The following SDK1 variants were observed in gnomAD, a reference collection of about 807,000 sequenced individuals.
SDK1 encodes the protein protein sidekick-1.
A neutral mutation model predicts 245.5 loss-of-function variants in SDK1; 157 were observed. The observed-to-expected ratio is 0.64, with a 90% confidence interval of 0.56 to 0.73. The LOEUF is 0.73. Ranked by LOEUF, SDK1 falls within the 30% of genes least tolerant of loss-of-function variation. The pLI, the probability that SDK1 is intolerant of heterozygous loss-of-function variation, is 0.00. For missense variants in SDK1, 3,583 were observed against 3,002.3 expected (o/e 1.19, Z -4.52); for synonymous variants, 1,647 against 1,278.5 (o/e 1.29, Z -6.15).
intron 40 of SDK1, among the ~76,000 whole-genome samples, chr7:4,231,410 A>G (rs1012779307): frequency 6.6e-6 from 1 of 152,040 alleles, no homozygotes; most frequent in African/African-American, 2.4e-5. Flanking sequence ...CAAAAAAAAA[A>G]AAAAATTAAC....
chr7:4,044,257 A>G (rs1388175922), intron 17 of SDK1, among the ~76,000 whole-genome samples: 1 of 152,184 alleles, frequency 6.6e-6, no homozygotes. Flanking sequence ...TGGCCTCGCC[A>G]GCCTGCAGCC....
intron 1 of SDK1, among the ~76,000 whole-genome samples, chr7:3,367,404 A>C (rs951224241): frequency 6.6e-6 from 1 of 152,068 alleles, no homozygotes; most frequent in Admixed American, 6.5e-5. Context: ...ACTTTTTTTG[A>C]CTATATTTCA....
intron 1 of SDK1, among the ~76,000 whole-genome samples, chr7:3,351,051 A>C (rs1780647404): frequency 6.6e-6 from 1 of 152,146 alleles, no homozygotes. Flanking sequence ...TCTTAGTTTC[A>C]CTGGGTAAAA....
At chr7:3,858,754 C>G (rs1215776500) in intron 5 of SDK1, among the ~76,000 whole-genome samples, 1 of 150,028 alleles carries the variant, frequency 6.7e-6, no homozygotes, top group African/African-American at 2.5e-5. Context: ...CAAACATCAA[C>G]TAATAAATTT....
intron 33 of SDK1, among the ~76,000 whole-genome samples, chr7:4,175,386 G>C (rs1308922891): frequency 6.6e-6 from 1 of 152,222 alleles, no homozygotes; most frequent in African/African-American, 2.4e-5. Context: ...TCCCTGAGGT[G>C]GTTTGCTCGG....
intron 4 of SDK1, among the ~76,000 whole-genome samples, chr7:3,644,793 C>CAAAAAAAAAAAAAA (rs59276438): frequency 9.2e-6 from 1 of 108,864 alleles, no homozygotes; most frequent in African/African-American, 3.6e-5. Flanking sequence ...AAAAAAAAAA[C>CAAAAAAAAAAAAAA]AAAAAACAAC....
intron 5 of SDK1, among the ~76,000 whole-genome samples, chr7:3,849,257 T>C (rs1241513506): frequency 2.6e-5 from 4 of 152,188 alleles, no homozygotes; most frequent in African/African-American, 9.7e-5. Flanking sequence ...TCCCCGGAGA[T>C]GCACCCACTC....
rs796146170 is a variant in SDK1, at chr7:3,533,991, T to C, written c.299-85089T>C. Among the ~76,000 whole-genome samples the C allele has an allele frequency of 6.4e-4, 98 of 152,340 alleles. 1 individual carries two copies. Among genetic ancestry groups the C allele is most frequent in the African/African-American group, 2.2e-3 (93 of 41,570 alleles). On this transcript the variant is annotated intron_variant, in intron 1 of 44. Transcript: ENST00000404826. Reference sequence around the variant, plus strand: ...TATTGTGAATATAGGCACAATGCTGTATAGCAGATCTCTGGAACTTGCTCA... The same window carrying C: ...TATTGTGAATATAGGCACAATGCTGCATAGCAGATCTCTGGAACTTGCTCA...
intron 1 of SDK1, among the ~76,000 whole-genome samples, chr7:3,527,998 G>C (rs758094002): frequency 4.6e-5 from 7 of 150,568 alleles, no homozygotes; most frequent in African/African-American, 1.2e-4. Flanking sequence ...GTGTCAGTTA[G>C]CTAGGGGTTG....
intron 1 of SDK1, among the ~76,000 whole-genome samples, chr7:3,606,135 C>T (rs1259403415): frequency 6.6e-6 from 1 of 152,196 alleles, no homozygotes; most frequent in Non-Finnish European, 1.5e-5. Flanking sequence ...TCTGAGCCAG[C>T]TCCTTCCATC....
chr7:3,772,949 T>C (rs1480749090), intron 4 of SDK1, among the ~76,000 whole-genome samples: 1 of 152,150 alleles, frequency 6.6e-6, no homozygotes, highest in Non-Finnish European at 1.5e-5. Flanking sequence ...ATCACTGCAG[T>C]TTCACTGATT....
intron 3 of SDK1, among the ~76,000 whole-genome samples, chr7:3,639,396 C>T (rs990999895): frequency 1.3e-5 from 2 of 152,174 alleles, no homozygotes; most frequent in African/African-American, 4.8e-5. Flanking sequence ...TTTTAGGAAT[C>T]AGCTGCTCTT....
intron 1 of SDK1, among the ~76,000 whole-genome samples, chr7:3,587,294 A>G (rs1021267437): frequency 1.6e-5 from 2 of 125,926 alleles, no homozygotes; most frequent in Non-Finnish European, 3.2e-5. Flanking sequence ...CTCCAGAGAA[A>G]CAGAACGTGT....
chr7:3,529,938 T>G (rs943138553), intron 1 of SDK1, among the ~76,000 whole-genome samples: 1 of 152,156 alleles, frequency 6.6e-6, no homozygotes, highest in Non-Finnish European at 1.5e-5. Flanking sequence ...TTAGGGGACG[T>G]GGCAGAGAGG....
chr7:3,987,818 C>G (rs1032080384), intron 14 of SDK1, among the ~76,000 whole-genome samples: 1 of 152,144 alleles, frequency 6.6e-6, no homozygotes, highest in Non-Finnish European at 1.5e-5. Context: ...ATGCTCCTTC[C>G]GTGGGCCACT....
chr7:3,446,326 A>G (rs537229278), intron 1 of SDK1, among the ~76,000 whole-genome samples: 3 of 152,294 alleles, frequency 2.0e-5, no homozygotes, highest in African/African-American at 4.8e-5. Flanking sequence ...AGGTCACACA[A>G]TTTAGAAATG....
At chr7:4,036,422 A>T (rs1396049043) in intron 17 of SDK1, among the ~76,000 whole-genome samples, 2 of 152,240 alleles carry the variant, frequency 1.3e-5, no homozygotes, top group Admixed American at 1.3e-4. Context: ...GTAGACCTAC[A>T]TGGATGCCGC....
intron 22 of SDK1, among the ~76,000 whole-genome samples, chr7:4,110,129 C>T (rs1006052857): frequency 1.3e-5 from 2 of 152,178 alleles, no homozygotes; most frequent in Non-Finnish European, 2.9e-5. Context: ...GAAGACTCAT[C>T]CTTCCCTGCC....
chr7:4,179,798 C>T (rs1481776584), intron 35 of SDK1, among the ~76,000 whole-genome samples: 1 of 151,876 alleles, frequency 6.6e-6, no homozygotes, highest in Non-Finnish European at 1.5e-5. Context: ...GCGGCCATGG[C>T]AGATTCTGTG....
Sources: allele counts gnomAD v4.1 joint callset (sites outside exome capture counted in the v4.1 genomes callset), GRCh38; gene constraint gnomAD v4.1.1; transcripts MANE v1.5; gene names NCBI Gene and HGNC (gene_info 2026-07-23, HGNC 2026-07-21).